Variants in PCDH15 observed in about 807,000 individuals in gnomAD.
PCDH15 encodes the protein protocadherin-15.
In PCDH15, 129 loss-of-function variants were observed where a neutral mutation model predicts 178.5. The observed-to-expected ratio is 0.72, with a 90% CI of 0.63 to 0.84. The LOEUF (loss-of-function observed/expected upper bound fraction) is 0.84, where lower values mean the gene tolerates loss of function less well. PCDH15 is among the 40% of genes least tolerant of loss of function. The pLI, the probability that PCDH15 is intolerant of heterozygous loss-of-function variation, is 0.00. For synonymous variants in PCDH15, 800 were observed against 732.0 expected (o/e 1.09, Z -1.50); for missense variants, 2,230 against 2,099.9 (o/e 1.06, Z -1.21).
intron 2 of PCDH15, among the ~76,000 whole-genome samples, chr10:55,014,182 G>A (rs1226694345): frequency 6.6e-6 from 1 of 151,922 alleles, no homozygotes; most frequent in East Asian, 1.9e-4. Context: ...ACTCTCAAAG[G>A]GAGGAATACA....
chr10:53,953,431 C>G (rs2087287782), intron 23 of PCDH15, among the ~76,000 whole-genome samples: 1 of 152,012 alleles, frequency 6.6e-6, no homozygotes. Context: ...TATAGTAATT[C>G]TTATCTACTA....
chr10:55,100,653 A>G (rs1200592458), intron 2 of PCDH15, among the ~76,000 whole-genome samples: 1 of 152,086 alleles, frequency 6.6e-6, no homozygotes, highest in Admixed American at 6.6e-5. Context: ...TCTTTTTAAC[A>G]GCCAGCTCTC....
At position 54,115,917 on chromosome 10, in the gene PCDH15, T is replaced by A. The variant is rs554583613; in HGVS notation, c.1917+16958A>T. ...CTAAACTAGACATTTGAATTAGAAG[T>A]TATGAGCATATACCACTTAAACTCA... On this transcript the variant is annotated intron_variant, in intron 15 of 37. Coordinates refer to ENST00000644397, the MANE Select transcript of PCDH15 (RefSeq NM_001384140.1). Among the ~76,000 whole-genome samples, 6 of 152,278 alleles carry A rather than the reference T, an allele frequency of 3.9e-5. 1 individual carries two copies. Among genetic ancestry groups the A allele is most frequent in the African/African-American group, 1.4e-4 (6 of 41,556 alleles).
At chr10:55,195,412 GC>G (rs1263843580) in intron 1 of PCDH15, among the ~76,000 whole-genome samples, 17 of 151,008 alleles carry the variant, frequency 1.1e-4, no homozygotes, top group Middle Eastern at 6.9e-3. Context: ...GGAAGCCGAG[GC>G]AGGTGGATCA....
chr10:54,405,970 AT>A (rs1400554661), intron 3 of PCDH15, among the ~76,000 whole-genome samples: 1 of 151,910 alleles, frequency 6.6e-6, no homozygotes, highest in Non-Finnish European at 1.5e-5. Context: ...GCTTCTTTGT[AT>A]TTTTTCTGGC....
At chr10:55,171,635 C>A (rs1255807660) in intron 1 of PCDH15, among the ~76,000 whole-genome samples, 1 of 152,034 alleles carries the variant, frequency 6.6e-6, no homozygotes, top group Non-Finnish European at 1.5e-5. Flanking sequence ...AAGTTCTTTG[C>A]CTAATTACAC....
chr10:55,098,426 T>G (rs1842493601), intron 2 of PCDH15, among the ~76,000 whole-genome samples: 1 of 152,276 alleles, frequency 6.6e-6, no homozygotes, highest in East Asian at 1.9e-4. Context: ...CCAAATAATT[T>G]TCTCTTCTAA....
intron 2 of PCDH15, among the ~76,000 whole-genome samples, chr10:55,107,261 A>G (rs761376304): frequency 1.3e-5 from 2 of 152,160 alleles, no homozygotes; most frequent in African/African-American, 4.8e-5. Flanking sequence ...GTTTCCTCCA[A>G]TGACATACAT....
chr10:55,498,193 A>C (rs74136640), intron 2 of PCDH15, among the ~76,000 whole-genome samples: 1 of 152,020 alleles, frequency 6.6e-6, no homozygotes, highest in African/African-American at 2.4e-5. Context: ...ATTACATTTA[A>C]GTTTCGTTCT....
At chr10:54,113,653 C>A (rs2095063658) in intron 15 of PCDH15, among the ~76,000 whole-genome samples, 1 of 151,980 alleles carries the variant, frequency 6.6e-6, no homozygotes, top group Non-Finnish European at 1.5e-5. Flanking sequence ...CACACACACA[C>A]ACACACGCAC....
At chr10:55,089,853 G>A (rs1394471539) in intron 2 of PCDH15, among the ~76,000 whole-genome samples, 1 of 152,012 alleles carries the variant, frequency 6.6e-6, no homozygotes, top group African/African-American at 2.4e-5. Flanking sequence ...ATTTATTCGG[G>A]AAGTTAATGT....
intron 2 of PCDH15, among the ~76,000 whole-genome samples, chr10:55,423,213 G>A (rs1045015864): frequency 3.3e-5 from 5 of 151,934 alleles, no homozygotes; most frequent in African/African-American, 1.2e-4. Context: ...GGGGCTAAGG[G>A]TGAACAATAG....
At chr10:53,908,013 T>A (rs989831487) in intron 25 of PCDH15, among the ~76,000 whole-genome samples, 5 of 152,194 alleles carry the variant, frequency 3.3e-5, no homozygotes, top group African/African-American at 1.2e-4. Context: ...ATTTCATTTA[T>A]CCACATGACT....
intron 8 of PCDH15, among the ~76,000 whole-genome samples, chr10:54,273,425 C>T (rs1299329976): frequency 2.0e-5 from 3 of 150,088 alleles, no homozygotes; most frequent in Non-Finnish European, 4.4e-5. Flanking sequence ...GACAAATTTC[C>T]AGCCAGATTG....
intron 2 of PCDH15, among the ~76,000 whole-genome samples, chr10:55,012,268 G>A (rs905337256): frequency 6.6e-6 from 1 of 152,012 alleles, no homozygotes; most frequent in African/African-American, 2.4e-5. Context: ...TAAGAACTCA[G>A]TCATATAAGT....
At position 54,361,776 on chromosome 10, in the gene PCDH15, A is replaced by G. The variant is rs1946089221; in HGVS notation, c.474+7344T>C. Among the ~76,000 whole-genome samples, 3 of 152,046 alleles carry G rather than the reference A, an allele frequency of 2.0e-5. No individual in the cohort carries two copies. In the South Asian group the frequency reaches 6.2e-4, roughly 31 times the overall value. On this transcript the variant is annotated intron_variant, in intron 5 of 37. Transcript: ENST00000644397. ...ATTCATATTAATGGTCTTACACTCT[A>G]CACTTTCAGATTTTAAGACTCGGGA...
chr10:55,050,705 C>T (rs1841140628), intron 2 of PCDH15, among the ~76,000 whole-genome samples: 1 of 152,160 alleles, frequency 6.6e-6, no homozygotes, highest in Admixed American at 6.5e-5. Flanking sequence ...AAAATCCCTT[C>T]TTATCTCTTT....
chr10:55,406,194 C>T lies in PCDH15; in HGVS notation c.-156+221431G>A, dbSNP rs76593739. 7.5e-3 allele frequency among the ~76,000 whole-genome samples: 1,138 copies of T among 151,884 alleles called. 13 individuals are homozygous for T. Among genetic ancestry groups the T allele is most frequent in the African/African-American group, 0.025 (1,015 of 41,416 alleles). On this transcript the variant is annotated intron_variant, in intron 2 of 5. Coordinates refer to the PCDH15 transcript ENST00000613346. ...AAAATAACAGGGGTAAAAAAGCATA[C>T]GATCCTGTATGCATGAGAGGACTGT...
intron 2 of PCDH15, among the ~76,000 whole-genome samples, chr10:55,508,294 C>T (rs192149652): frequency 6.6e-6 from 1 of 151,566 alleles, no homozygotes; most frequent in African/African-American, 2.4e-5. Context: ...CATTTTTTTA[C>T]CCTTTCATAT....
Sources: allele counts gnomAD v4.1 joint callset (sites outside exome capture counted in the v4.1 genomes callset), GRCh38; gene constraint gnomAD v4.1.1; transcripts MANE v1.5; gene names NCBI Gene and HGNC (gene_info 2026-07-23, HGNC 2026-07-21).